The following SDK2 variants were observed in gnomAD, a reference collection of about 807,000 sequenced individuals.
SDK2 encodes protein sidekick-2.
SDK2 carries 105 observed loss-of-function variants against 253.9 expected under a neutral mutation model. That is an observed-to-expected ratio of 0.41 (90% CI 0.35 to 0.49). The LOEUF (loss-of-function observed/expected upper bound fraction) is 0.49. SDK2 is among the 20% of genes least tolerant of loss of function. The probability of loss-of-function intolerance (pLI) is 0.06; values close to 1 mark genes in which losing one functional copy is unlikely to be tolerated. For synonymous variants in SDK2, 1,249 were observed against 1,234.9 expected, an observed-to-expected ratio of 1.01 and a Z score of -0.24; for missense variants, 2,608 against 3,003.0, an observed-to-expected ratio of 0.87 and a Z score of 3.07.
At chr17:73,426,207 GCT>G (rs2063280880) in intron 12 of SDK2, among the ~76,000 whole-genome samples, 1 of 24,566 alleles carries the variant, frequency 4.1e-5, no homozygotes, top group South Asian at 1.7e-3. Flanking sequence ...ACCATGCTGG[GCT>G]TTTTTTTTTT....
intron 1 of SDK2, among the ~76,000 whole-genome samples, chr17:73,603,619 T>TA (rs2045870393): frequency 6.6e-6 from 1 of 152,228 alleles, no homozygotes. Flanking sequence ...AGCAGCCACT[T>TA]ACGCTTCCCA....
At chr17:73,393,259 A>AG (rs2062943352) in intron 27 of SDK2, among the ~76,000 whole-genome samples, 1 of 149,560 alleles carries the variant, frequency 6.7e-6, no homozygotes, top group Non-Finnish European at 1.5e-5. Flanking sequence ...AAAAAAAAAA[A>AG]AAAAAGAAAA....
chr17:73,348,468 G>T, intron 44 of SDK2, 131 bp downstream of exon 44: 1 of 1,118,566 alleles, frequency 8.9e-7, no homozygotes, highest in Non-Finnish European at 1.2e-6. Context: ...TGACTTCAGG[G>T]TGGTTTCTTG....
chr17:73,494,826 C>T (rs2063831029), intron 2 of SDK2, among the ~76,000 whole-genome samples: 1 of 152,234 alleles, frequency 6.6e-6, no homozygotes, highest in South Asian at 2.1e-4. Flanking sequence ...GAGGGGGCCT[C>T]CCAGGCCAGG....
intron 3 of SDK2, among the ~76,000 whole-genome samples, chr17:73,456,892 C>A (rs2063529515): frequency 6.6e-6 from 1 of 152,198 alleles, no homozygotes; most frequent in Non-Finnish European, 1.5e-5. Flanking sequence ...GTGTCTCTAC[C>A]ACACCCTTGA....
In SDK2 at chr17:73,389,898, T is replaced by A. The variant is rs568621107; in HGVS notation, c.4192+389A>T. Among the ~76,000 whole-genome samples, 4 of 152,156 alleles carry A rather than the reference T, an allele frequency of 2.6e-5. No individual in the cohort carries two copies. In the East Asian group the frequency reaches 7.7e-4, roughly 29 times the overall value. On this transcript the variant is annotated intron_variant, in intron 29 of 44. Transcript: ENST00000392650. ...CTGAGTAGCTGGGATTACAGGTGTG[T>A]GCCACCACGCTGGCTAATTTTTGTA...
At chr17:73,412,074 ATATG>A (rs796630040) in intron 18 of SDK2, among the ~76,000 whole-genome samples, 7 of 49,696 alleles carry the variant, frequency 1.4e-4, no homozygotes, top group African/African-American at 3.0e-4. Flanking sequence ...ATATACGTAT[ATATG>A]TATATGTATA....
intron 4 of SDK2, among the ~76,000 whole-genome samples, chr17:73,449,550 C>A (rs1179574017): frequency 6.6e-6 from 1 of 151,384 alleles, no homozygotes; most frequent in Non-Finnish European, 1.5e-5. Flanking sequence ...AAGCAGGAAG[C>A]CAAGCCCTCC....
intron 1 of SDK2, among the ~76,000 whole-genome samples, chr17:73,509,261 G>A (rs2063959349): frequency 6.6e-6 from 1 of 152,168 alleles, no homozygotes; most frequent in East Asian, 1.9e-4. Context: ...CACGTCTAAG[G>A]ATGGAAGGAA....
intron 1 of SDK2, among the ~76,000 whole-genome samples, chr17:73,622,979 G>A (rs919840311): frequency 5.3e-5 from 8 of 152,164 alleles, no homozygotes. Flanking sequence ...GTAGGCCTCG[G>A]CCAGCCCTTG....
In SDK2 at chr17:73,627,944, C is replaced by T. The variant is rs370047515; in HGVS notation, c.64+16081G>A. ...GTGGGCGCCTGTAGTCCCAGCTACT[C>T]GGGAGGCTGAGGCAGGAGAATGGCA... is the stretch of plus-strand genomic sequence containing the variant. On this transcript the variant is annotated intron_variant, in intron 1 of 44. Coordinates refer to ENST00000392650, the MANE Select transcript of SDK2 (RefSeq NM_001144952.2). Among the ~76,000 whole-genome samples the T allele has an allele frequency of 4.4e-4, 67 of 152,168 alleles. 1 individual carries two copies. In the East Asian group the frequency reaches 8.3e-3, roughly 19 times the overall value.
chr17:73,397,431 C>G (rs967039286), intron 24 of SDK2, among the ~76,000 whole-genome samples: 3 of 152,142 alleles, frequency 2.0e-5, no homozygotes, highest in Non-Finnish European at 4.4e-5. Flanking sequence ...TGGGAGGATA[C>G]GGGAGAACTT....
intron 38 of SDK2, among the ~76,000 whole-genome samples, chr17:73,363,074 T>G (rs77562969): frequency 0.036 from 5,443 of 152,298 alleles, 135 homozygotes; most frequent in Non-Finnish European, 0.06. Flanking sequence ...ATTTATTGAC[T>G]AAGTGGATTA....
chr17:73,355,581 C>A (rs187733496), intron 40 of SDK2, among the ~76,000 whole-genome samples: 1 of 152,182 alleles, frequency 6.6e-6, no homozygotes, highest in South Asian at 2.1e-4. Flanking sequence ...CTCCTGACCT[C>A]GTGATCCGCC....
intron 10 of SDK2, 125 bp downstream of exon 10, chr17:73,433,607 T>C (rs1011770165): frequency 2.9e-6 from 2 of 693,378 alleles, no homozygotes; most frequent in South Asian, 3.3e-5. Context: ...CTCTCTTGGG[T>C]TGTACAGTGT....
At chr17:73,512,550 T>TACACAC (rs144659441) in intron 1 of SDK2, among the ~76,000 whole-genome samples, 122 of 148,974 alleles carry the variant, frequency 8.2e-4, no homozygotes, top group African/African-American at 2.6e-3. Flanking sequence ...CACACACACA[T>TACACAC]ACACACACAC....
Position 73,356,461 on chromosome 17 carries a change from C to T in SDK2, c.5593+1618G>A, listed in dbSNP as rs184264765. Among the ~76,000 whole-genome samples, 153 of 152,258 alleles carry T rather than the reference C, an allele frequency of 1.0e-3. 1 individual carries two copies. The highest frequency in any genetic ancestry group is 3.5e-3 in the African/African-American group (146 of 41,548). Reference sequence around the variant, plus strand: ...GGCGAACCTCTCCCTGGGTCTGCAGCGCCTGGCAGCTCCTGGCTTATAGAA... The same window carrying T: ...GGCGAACCTCTCCCTGGGTCTGCAGTGCCTGGCAGCTCCTGGCTTATAGAA... On this transcript the variant is annotated intron_variant, in intron 40 of 44. Transcript: ENST00000392650.
chr17:73,457,244 TTCCTTCC>T (rs2063532482), intron 3 of SDK2, among the ~76,000 whole-genome samples: 1 of 58,118 alleles, frequency 1.7e-5, no homozygotes, highest in Non-Finnish European at 3.1e-5. Flanking sequence ...CCTTCCTTCC[TTCCTTCC>T]TTCCTTCCTT....
At chr17:73,509,506 C>T (rs899794206) in intron 1 of SDK2, among the ~76,000 whole-genome samples, 30 of 151,724 alleles carry the variant, frequency 2.0e-4, no homozygotes, top group African/African-American at 6.5e-4. Context: ...TGGAACAAAC[C>T]AGGCTGGCCA....
Sources: allele counts gnomAD v4.1 joint callset (sites outside exome capture counted in the v4.1 genomes callset), GRCh38; gene constraint gnomAD v4.1.1; transcripts MANE v1.5; gene names NCBI Gene and HGNC (gene_info 2026-07-23, HGNC 2026-07-21).